Variants in C9orf43 observed in about 807,000 individuals in gnomAD.
The protein encoded by C9orf43 is chromosome 9 open reading frame 43, also known as uncharacterized protein C9orf43.
In C9orf43, 45 loss-of-function variants were observed where a neutral mutation model predicts 59.1. The ratio of observed to expected loss-of-function variants is 0.76; its 90% CI spans 0.60 to 0.98. The LOEUF (loss-of-function observed/expected upper bound fraction) is 0.98, where lower values mean the gene tolerates loss of function less well. Ranked by LOEUF, C9orf43 falls within the 50% of genes least tolerant of loss-of-function variation. C9orf43 has a pLI of 0.00. For missense variants in C9orf43, 533 were observed against 554.9 expected (o/e 0.96, Z 0.40); for synonymous variants, 203 against 196.8 (o/e 1.03, Z -0.26).
At chr9:113,413,717 A>G (rs1233489267) in intron 2 of C9orf43, 42 bp from the exon 3 acceptor site, 4 of 1,611,506 alleles carry the variant, frequency 2.5e-6, no homozygotes, top group South Asian at 1.1e-5. Flanking sequence ...CCCTTTCTCC[A>G]GGCAGCAGGT....
At position 113,410,972 on chromosome 9, in the gene C9orf43, C is replaced by G; in HGVS notation, c.-79C>G. The G allele has an allele frequency of 4.1e-6, 4 of 986,286 alleles. No homozygotes were observed. The highest frequency in any genetic ancestry group is 4.8e-6 in the Non-Finnish European group (4 of 830,478). 61.1% of individuals were successfully genotyped at this position (986,286 alleles called of 1,614,324 possible). A position where few individuals can be genotyped will look rare whatever the true frequency, so the allele number is the denominator to read the frequency against. On this transcript the variant is annotated 5_prime_UTR_variant, in exon 1 of 14. The change creates a new upstream start codon in the 5' untranslated region. Coordinates refer to ENST00000374165, the MANE Select transcript of C9orf43 (RefSeq NM_001278629.2). Reference sequence around the variant, plus strand: ...ACCGAAGTTGATGTTCATTTTTAATCTTTTCGCCCCTCACGCTTTTGTAAT... The same window carrying G: ...ACCGAAGTTGATGTTCATTTTTAATGTTTTCGCCCCTCACGCTTTTGTAAT...
At chr9:113,425,873 T>G in intron 11 of C9orf43, 143 bp downstream of exon 11, 1 of 690,876 alleles carries the variant, frequency 1.4e-6, no homozygotes, top group Admixed American at 2.3e-5. Flanking sequence ...CTTCAGTCTG[T>G]CTGGTCTCTC....
chr9:113,427,079 G>T (rs1828818918), intron 11 of C9orf43, among the ~76,000 whole-genome samples: 1 of 152,194 alleles, frequency 6.6e-6, no homozygotes, highest in Admixed American at 6.5e-5. Flanking sequence ...GTAGGCAGGG[G>T]CTTGTATGGA....
intron 10 of C9orf43, 80 bp downstream of exon 10, chr9:113,425,500 G>T: frequency 6.6e-7 from 1 of 1,520,586 alleles, no homozygotes; most frequent in Non-Finnish European, 8.9e-7. Flanking sequence ...AAAGGTGGGG[G>T]TCTCCTTGTT....
At position 113,421,283 on chromosome 9, in the gene C9orf43, C is replaced by T. The variant is rs1828560127; in HGVS notation, c.446+80C>T. ...TTCTGCAGCGTCCTTTTTGTGATCT[C>T]CCATTTAGCCAGCTCATTGCAAGTA... On this transcript the variant is annotated intron_variant, in intron 5 of 13. Transcript: ENST00000374165. 14 of 1,010,604 alleles carry T rather than the reference C, an allele frequency of 1.4e-5. No homozygotes were observed. In the South Asian group the frequency reaches 1.9e-4, roughly 13 times the overall value. 62.6% of individuals were successfully genotyped at this position (1,010,604 alleles called of 1,614,324 possible). A position where few individuals can be genotyped will look rare whatever the true frequency, so the allele number is the denominator to read the frequency against.
At chr9:113,414,138 G>A (rs545372180) in intron 3 of C9orf43, among the ~76,000 whole-genome samples, 8 of 152,304 alleles carry the variant, frequency 5.3e-5, no homozygotes, top group East Asian at 3.9e-4. Context: ...CATAGACTGG[G>A]TGCCTTAAAC....
At position 113,422,602 on chromosome 9, in the gene C9orf43, T is replaced by C. The variant is rs746213228; in HGVS notation, c.483+17T>C. 14 of 1,613,788 alleles carry C rather than the reference T, an allele frequency of 8.7e-6. No homozygotes were observed. Among genetic ancestry groups the C allele is most frequent in the African/African-American group, 1.3e-5 (1 of 75,022 alleles). On this transcript the variant is annotated intron_variant, in intron 6 of 13. Coordinates refer to ENST00000374165, the MANE Select transcript of C9orf43 (RefSeq NM_001278629.2). ...TCGGCAGTGGTGAGTTTGATGTTTT[T>C]GTGCAAACCTTTATAATATTGCTAT...
intron 8 of C9orf43, 65 bp from the exon 9 acceptor site, chr9:113,424,954 G>A: frequency 7.2e-7 from 1 of 1,387,502 alleles, no homozygotes; most frequent in Non-Finnish European, 1.0e-6. Flanking sequence ...CGCATTTGGG[G>A]GATACATTTG....
rs1828914344 is a variant in C9orf43, at chr9:113,429,501, T to G, written c.*115T>G. On this transcript the variant is annotated 3_prime_UTR_variant, in exon 14 of 14. Coordinates refer to ENST00000374165, the MANE Select transcript of C9orf43 (RefSeq NM_001278629.2). Reference sequence around the variant, plus strand: ...CACATAAGGGCAAGAGGAGAGGGGCTTCTGCTCTCTGGAGCCTTTACCAGG... The same window carrying G: ...CACATAAGGGCAAGAGGAGAGGGGCGTCTGCTCTCTGGAGCCTTTACCAGG... 2 of 814,126 alleles carry G rather than the reference T, an allele frequency of 2.5e-6. No individual in the cohort carries two copies. Among genetic ancestry groups the G allele is most frequent in the South Asian group, 1.7e-5 (1 of 57,498 alleles). 50.4% of individuals were successfully genotyped at this position (814,126 alleles called of 1,614,324 possible). A position where few individuals can be genotyped will look rare whatever the true frequency, so the allele number is the denominator to read the frequency against.
chr9:113,415,540 G>A lies in C9orf43; in HGVS notation c.287+1646G>A, dbSNP rs371879621. On this transcript the variant is annotated intron_variant, in intron 3 of 13. Coordinates refer to ENST00000374165, the MANE Select transcript of C9orf43 (RefSeq NM_001278629.2). Reference sequence around the variant, plus strand: ...CATGGATGAATGAATAATGTAAAGGGGTTATCCTGTAATCCCAGAGTGTTA... The same window carrying A: ...CATGGATGAATGAATAATGTAAAGGAGTTATCCTGTAATCCCAGAGTGTTA... Among the ~76,000 whole-genome samples the A allele has an allele frequency of 1.3e-4, 20 of 151,644 alleles. No individual in the cohort carries two copies. In the East Asian group the frequency reaches 2.2e-3, roughly 17 times the overall value.
Position 113,429,407 on chromosome 9 carries a change from C to T in C9orf43, c.*21C>T, listed in dbSNP as rs1348509905. The T allele has an allele frequency of 6.2e-7, 1 of 1,605,720 alleles. No individual in the cohort carries two copies. The highest frequency in any genetic ancestry group is 1.7e-5 in the Admixed American group (1 of 59,808). On this transcript the variant is annotated 3_prime_UTR_variant, in exon 14 of 14. Transcript: ENST00000374165. Reference sequence around the variant, plus strand: ...AGTGAGAAGCCTCTGGAGGAATAGACTGAAGGCATCCCCTGGGGCAGCCGT... The same window carrying T: ...AGTGAGAAGCCTCTGGAGGAATAGATTGAAGGCATCCCCTGGGGCAGCCGT...
intron 9 of C9orf43, 55 bp downstream of exon 9, chr9:113,425,131 T>A: frequency 6.4e-7 from 1 of 1,554,930 alleles, no homozygotes; most frequent in Non-Finnish European, 8.9e-7. Flanking sequence ...TAGCCCACAT[T>A]TCTCATACTT....
intron 1 of C9orf43, among the ~76,000 whole-genome samples, chr9:113,412,139 C>T (rs1035260816): frequency 1.3e-5 from 2 of 152,112 alleles, no homozygotes; most frequent in Admixed American, 6.5e-5. Context: ...AATTAGAGAC[C>T]ATAAGGTCTG....
intron 1 of C9orf43, among the ~76,000 whole-genome samples, chr9:113,413,203 A>G (rs936848224): frequency 6.6e-6 from 1 of 152,256 alleles, no homozygotes; most frequent in Non-Finnish European, 1.5e-5. Flanking sequence ...GTTAAGTCCC[A>G]GGTCACTCAG....
At chr9:113,416,676 A>G (rs766658407) in intron 3 of C9orf43, among the ~76,000 whole-genome samples, 1 of 151,296 alleles carries the variant, frequency 6.6e-6, no homozygotes, top group Non-Finnish European at 1.5e-5. Context: ...TTTTTCTCTT[A>G]ACTAGGTTTT....
At chr9:113,411,131 C>T (rs1828122192) in intron 1 of C9orf43, 130 bp downstream of exon 1, 1 of 985,106 alleles carries the variant, frequency 1.0e-6, no homozygotes, top group African/African-American at 1.7e-5. Flanking sequence ...TCAATTCGGA[C>T]TGGGCAGGTA....
rs1294183949 is a variant in C9orf43 at position 113,413,800 on chromosome 9, G to A, written c.193G>A (p.Gly65Ser). ...CACCGTGGTAGACATCTTAGATTCC[G>A]GCTTTGCAGCTCATCATTTACCAGA... ...VLTVVDILDSGFAAHHLPECT... is the reference protein window; with the variant it reads ...VLTVVDILDSSFAAHHLPECT... Residue 65 changes from glycine (G) to serine (S), a missense_variant, in exon 3 of 14, where the codon GGC (glycine) becomes AGC (serine). Transcript: ENST00000374165. 11 of 1,614,008 alleles carry A rather than the reference G, an allele frequency of 6.8e-6. No individual in the cohort carries two copies. Among genetic ancestry groups the A allele is most frequent in the Admixed American group, 6.7e-5 (4 of 60,002 alleles).
At chr9:113,418,997 T>A in intron 3 of C9orf43, 111 bp from the exon 4 acceptor site, 1 of 861,374 alleles carries the variant, frequency 1.2e-6, no homozygotes, top group South Asian at 1.8e-5. Flanking sequence ...TTGGTAAGCA[T>A]TAAGCCCAAG....
At chr9:113,411,503 G>T (rs1281180625) in intron 1 of C9orf43, among the ~76,000 whole-genome samples, 3 of 152,042 alleles carry the variant, frequency 2.0e-5, no homozygotes, top group Non-Finnish European at 4.4e-5. Flanking sequence ...GTTTCACCGT[G>T]TTAGCCAAGA....
Sources: allele counts gnomAD v4.1 joint callset (sites outside exome capture counted in the v4.1 genomes callset), GRCh38; gene constraint gnomAD v4.1.1; transcripts MANE v1.5; gene names NCBI Gene and HGNC (gene_info 2026-07-23, HGNC 2026-07-21).